The following BMERB1 variants were observed in gnomAD, a reference collection of about 807,000 sequenced individuals.
The protein encoded by BMERB1 is bMERB domain-containing protein 1.
BMERB1 carries 12 observed loss-of-function variants against 23.6 expected under a neutral mutation model. That is an observed-to-expected ratio of 0.51 (90% CI 0.33 to 0.82). BMERB1 has a LOEUF of 0.82. BMERB1 is among the 40% of genes least tolerant of loss of function. The pLI, the probability that BMERB1 is intolerant of heterozygous loss-of-function variation, is 0.03. For missense variants in BMERB1, 247 were observed against 255.4 expected, an observed-to-expected ratio of 0.97 and a Z score of 0.22; for synonymous variants, 122 against 96.6, an observed-to-expected ratio of 1.26 and a Z score of -1.54.
At chr16:15,558,780 G>A (rs1315828048) in intron 2 of BMERB1, among the ~76,000 whole-genome samples, 2 of 151,630 alleles carry the variant, frequency 1.3e-5, no homozygotes, top group African/African-American at 2.4e-5. Context: ...CCAGCTAGAA[G>A]TAAGTGGTTA....
chr16:15,524,034 T>C (rs1190968513), intron 2 of BMERB1, among the ~76,000 whole-genome samples: 1 of 152,134 alleles, frequency 6.6e-6, no homozygotes, highest in African/African-American at 2.4e-5. Flanking sequence ...AACCTGCATT[T>C]TTTCCCCTTT....
At chr16:15,551,061 G>T (rs2150966154) in intron 2 of BMERB1, among the ~76,000 whole-genome samples, 1 of 152,314 alleles carries the variant, frequency 6.6e-6, no homozygotes, top group South Asian at 2.1e-4. Context: ...TGCTGAGCCA[G>T]CTCAGAATAG....
At chr16:15,560,876 G>T (rs2030397403) in intron 2 of BMERB1, among the ~76,000 whole-genome samples, 1 of 151,370 alleles carries the variant, frequency 6.6e-6, no homozygotes, top group Non-Finnish European at 1.5e-5. Context: ...TTTTTAAAAA[G>T]GTTTTACTTG....
At chr16:15,518,791 GGAAGGGAGTGGGAGA>G (rs1430334633) in intron 2 of BMERB1, among the ~76,000 whole-genome samples, 2 of 151,646 alleles carry the variant, frequency 1.3e-5, no homozygotes, top group African/African-American at 4.8e-5. Context: ...AGGGAAGGAG[GGAAGGGAGTGGGAGA>G]GAAGGGAGGG....
At chr16:15,584,340 ACAGGT>A (rs1027416186) in intron 5 of BMERB1, among the ~76,000 whole-genome samples, 1 of 152,018 alleles carries the variant, frequency 6.6e-6, no homozygotes, top group African/African-American at 2.4e-5. Context: ...CGGGCGGATC[ACAGGT>A]CAGGAGATCG....
chr16:15,546,912 G>A (rs576475836), intron 2 of BMERB1, among the ~76,000 whole-genome samples: 23 of 151,840 alleles, frequency 1.5e-4, no homozygotes, highest in Non-Finnish European at 3.1e-4. Flanking sequence ...GAATTGCCTC[G>A]TTATCTCGTC....
intron 2 of BMERB1, among the ~76,000 whole-genome samples, chr16:15,523,475 A>G (rs1338698502): frequency 1.3e-5 from 2 of 152,014 alleles, no homozygotes; most frequent in Non-Finnish European, 2.9e-5. Flanking sequence ...TCTACCCAGC[A>G]CTTCCCTTCC....
chr16:15,492,281 C>T (rs971175970), intron 1 of BMERB1, among the ~76,000 whole-genome samples: 3 of 152,178 alleles, frequency 2.0e-5, no homozygotes, highest in African/African-American at 4.8e-5. Flanking sequence ...TTGCATCTCC[C>T]GCTGCACTGC....
intron 2 of BMERB1, among the ~76,000 whole-genome samples, chr16:15,522,880 G>A (rs1235850413): frequency 6.6e-6 from 1 of 152,148 alleles, no homozygotes; most frequent in African/African-American, 2.4e-5. Flanking sequence ...TGCTCTTTTA[G>A]TTTTGCTATC....
chr16:15,455,323 C>CA (rs34467613), intron 1 of BMERB1, among the ~76,000 whole-genome samples: 54,624 of 122,392 alleles, frequency 0.45, 12,061 homozygotes, highest in South Asian at 0.6. Context: ...GACTCTGTCT[C>CA]AAAAAAAAAA....
At chr16:15,466,254 C>A (rs1183554955) in intron 1 of BMERB1, among the ~76,000 whole-genome samples, 1 of 152,130 alleles carries the variant, frequency 6.6e-6, no homozygotes, top group Non-Finnish European at 1.5e-5. Flanking sequence ...CCTGATCTTT[C>A]CAGACTGTTA....
chr16:15,437,809 T>G (rs1030178331), intron 1 of BMERB1, among the ~76,000 whole-genome samples: 6 of 151,920 alleles, frequency 3.9e-5, no homozygotes, highest in African/African-American at 1.4e-4. Context: ...ATACAAAAAA[T>G]TAGCTGGGTG....
At chr16:15,443,914 A>G (rs1396269798) in intron 1 of BMERB1, among the ~76,000 whole-genome samples, 1 of 151,938 alleles carries the variant, frequency 6.6e-6, no homozygotes, top group Non-Finnish European at 1.5e-5. Context: ...TCTGTCTCCA[A>G]AAACAAAAAA....
intron 2 of BMERB1, among the ~76,000 whole-genome samples, chr16:15,544,938 A>G (rs1246009963): frequency 1.3e-5 from 2 of 152,064 alleles, no homozygotes; most frequent in Non-Finnish European, 2.9e-5. Flanking sequence ...ACTGTCCCCC[A>G]AAGCACCTAA....
rs1434286962 is a variant in BMERB1 at position 15,466,048 on chromosome 16, T to C, written c.106+31289T>C. On this transcript the variant is annotated intron_variant, in intron 1 of 5. Coordinates refer to ENST00000300006, the MANE Select transcript of BMERB1 (RefSeq NM_033201.3). ...TTACCAGACATTGCTATCATGGCCA[T>C]CCAGGTATAAATGCCTTTTTGGGTC... Among the ~76,000 whole-genome samples the C allele has an allele frequency of 2.6e-5, 4 of 152,224 alleles. No individual in the cohort carries two copies. In the East Asian group the frequency reaches 7.7e-4, roughly 29 times the overall value.
intron 2 of BMERB1, among the ~76,000 whole-genome samples, chr16:15,519,251 C>T (rs962419481): frequency 6.6e-6 from 1 of 152,072 alleles, no homozygotes; most frequent in Non-Finnish European, 1.5e-5. Context: ...GTGTAATAGC[C>T]GCGGTGAGAT....
chr16:15,436,728 C>T (rs2050891645), intron 1 of BMERB1, among the ~76,000 whole-genome samples: 2 of 152,016 alleles, frequency 1.3e-5, no homozygotes, highest in African/African-American at 2.4e-5. Context: ...CATCATTCTA[C>T]TCTGTATCTC....
chr16:15,531,547 A>G (rs768518586), intron 2 of BMERB1, among the ~76,000 whole-genome samples: 2 of 152,196 alleles, frequency 1.3e-5, no homozygotes, highest in African/African-American at 2.4e-5. Context: ...GGCAGCAACA[A>G]TGACAGAGAC....
chr16:15,578,419 A>C (rs1292364848), intron 3 of BMERB1, among the ~76,000 whole-genome samples: 1 of 152,144 alleles, frequency 6.6e-6, no homozygotes, highest in Non-Finnish European at 1.5e-5. Flanking sequence ...CATGCTAATA[A>C]GTATGACCTC....
Sources: allele counts gnomAD v4.1 joint callset (sites outside exome capture counted in the v4.1 genomes callset), GRCh38; gene constraint gnomAD v4.1.1; transcripts MANE v1.5; gene names NCBI Gene and HGNC (gene_info 2026-07-23, HGNC 2026-07-21).